CLEC2L: variants seen among roughly 807,000 people sequenced by gnomAD.
The protein encoded by CLEC2L is C-type lectin domain family 2, member L.
A neutral mutation model predicts 23.6 loss-of-function variants in CLEC2L; 14 were observed. That is an observed-to-expected ratio of 0.59 (90% CI 0.39 to 0.93). CLEC2L has a LOEUF of 0.93. Ranked by LOEUF, CLEC2L falls within the 40% of genes least tolerant of loss-of-function variation. CLEC2L has a pLI of 0.00. For synonymous variants in CLEC2L, 114 were observed against 121.3 expected (o/e 0.94, Z 0.40); for missense variants, 264 against 282.4 (o/e 0.93, Z 0.47).
chr7:139,537,393 AGG>A (rs919442390), intron 2 of CLEC2L, among the ~76,000 whole-genome samples: 1 of 128,320 alleles, frequency 7.8e-6, no homozygotes, highest in African/African-American at 5.3e-5. Flanking sequence ...ATTTAGACTC[AGG>A]GGCTTATATA....
chr7:139,525,021 C>T (rs12665981), intron 1 of CLEC2L, among the ~76,000 whole-genome samples: 57,801 of 151,958 alleles, frequency 0.38, 12,993 homozygotes, highest in African/African-American at 0.63. Flanking sequence ...CATGACGTAT[C>T]CCAGGCCAGG....
chr7:139,530,755 G>A (rs1235657062), intron 1 of CLEC2L, among the ~76,000 whole-genome samples: 5 of 145,404 alleles, frequency 3.4e-5, no homozygotes, highest in Non-Finnish European at 7.4e-5. Flanking sequence ...AGAGGTTGCA[G>A]TGAGCTGAGA....
chr7:139,533,578 A>T (rs1451800094), intron 1 of CLEC2L, among the ~76,000 whole-genome samples: 1 of 152,032 alleles, frequency 6.6e-6, no homozygotes, highest in African/African-American at 2.4e-5. Flanking sequence ...CTGGTCTCGA[A>T]CTCCTGACTT....
intron 1 of CLEC2L, among the ~76,000 whole-genome samples, chr7:139,526,905 G>A (rs879246326): frequency 1.3e-5 from 2 of 152,210 alleles, no homozygotes; most frequent in African/African-American, 4.8e-5. Flanking sequence ...CAGAGTTCAC[G>A]TAATGAAACA....
rs1256982707 is a variant in CLEC2L at position 139,544,347 on chromosome 7, G to A, written c.*5G>A. Reference sequence around the variant, plus strand: ...AGCAAGATGGCCTATACTTGAGGTGGGTGGGGCCAGAGGTGGCCCCGCCCC... The same window carrying A: ...AGCAAGATGGCCTATACTTGAGGTGAGTGGGGCCAGAGGTGGCCCCGCCCC... On this transcript the variant is annotated 3_prime_UTR_variant, in exon 5 of 5. Coordinates refer to ENST00000422142, the MANE Select transcript of CLEC2L (RefSeq NM_001080511.4). 2 of 1,600,474 alleles carry A rather than the reference G, an allele frequency of 1.2e-6. No individual in the cohort carries two copies. The highest frequency in any genetic ancestry group is 2.2e-5 in the East Asian group (1 of 44,566).
At chr7:139,529,820 A>C (rs2116547005) in intron 1 of CLEC2L, among the ~76,000 whole-genome samples, 1 of 152,262 alleles carries the variant, frequency 6.6e-6, no homozygotes, top group South Asian at 2.1e-4. Flanking sequence ...TAATCCCAGC[A>C]CTTTGGGAGG....
At position 139,539,309 on chromosome 7, in the gene CLEC2L, G is replaced by T. The variant is rs1040719407; in HGVS notation, c.266-1012G>T. 2.0e-5 allele frequency: 3 copies of T among 152,136 alleles called. No homozygotes were observed. The highest frequency in any genetic ancestry group is 4.4e-5 in the Non-Finnish European group (3 of 68,034). The allele number at this position is 152,136 out of a possible 1,614,324, so 9.4% of individuals were successfully genotyped here. A position where few individuals can be genotyped will look rare whatever the true frequency, so the allele number is the denominator to read the frequency against. On this transcript the variant is annotated intron_variant, in intron 2 of 4. Coordinates refer to ENST00000422142, the MANE Select transcript of CLEC2L (RefSeq NM_001080511.4). The surrounding 1 kb of genome is among the most constrained non-coding windows in gnomAD (Gnocchi z 4.1). ...TAAATGTGGAAGAAATAAATATAAG[G>T]TTCTGCATTTGGATTTAAGAAGTTA... is the stretch of plus-strand genomic sequence containing the variant.
intron 1 of CLEC2L, among the ~76,000 whole-genome samples, chr7:139,532,738 T>C (rs1247311263): frequency 3.9e-5 from 6 of 152,126 alleles, no homozygotes; most frequent in Non-Finnish European, 5.9e-5. Flanking sequence ...CTCTCCGCTA[T>C]GTGAGGACTC....
rs552437948 is a variant in CLEC2L at position 139,534,997 on chromosome 7, A to T, written c.191-1277A>T. 7.2e-5 allele frequency among the ~76,000 whole-genome samples: 11 copies of T among 152,040 alleles called. No individual in the cohort carries two copies. In the East Asian group the frequency reaches 1.7e-3, roughly 24 times the overall value. Reference sequence around the variant, plus strand: ...AAAACAAAAGAACAACAACAAAAAAACCTACCATGTGATCCAGCAACTCCA... The same window carrying T: ...AAAACAAAAGAACAACAACAAAAAATCCTACCATGTGATCCAGCAACTCCA... On this transcript the variant is annotated intron_variant, in intron 1 of 4. Transcript: ENST00000422142.
chr7:139,534,505 GAGA>G, intron 1 of CLEC2L: 1 of 776,846 alleles, frequency 1.3e-6, no homozygotes, highest in East Asian at 2.4e-5. Flanking sequence ...CTGGATTAAA[GAGA>G]AGATCTACAT....
chr7:139,538,528 C>G (rs978081391), intron 2 of CLEC2L, among the ~76,000 whole-genome samples: 2 of 151,682 alleles, frequency 1.3e-5, no homozygotes, highest in African/African-American at 4.9e-5. Flanking sequence ...GTGGGTGGAT[C>G]ACAAGGTCAG....
In CLEC2L at chr7:139,523,805, G is replaced by T; in HGVS notation, c.-123G>T. On this transcript the variant is annotated 5_prime_UTR_variant, in exon 1 of 5. Coordinates refer to ENST00000422142, the MANE Select transcript of CLEC2L (RefSeq NM_001080511.4). This position sits in a 1 kb window ranked among gnomAD's most constrained non-coding sequence, Gnocchi z 4.1. ...CTCAGCCCCGGCCTGCCAGCGCCGCGGTCCTAGCCCACCCGAGGCCGGCCT... is the reference window on the plus strand; with the variant it reads ...CTCAGCCCCGGCCTGCCAGCGCCGCTGTCCTAGCCCACCCGAGGCCGGCCT... 1 of 562,290 alleles carries T rather than the reference G, an allele frequency of 1.8e-6. No homozygotes were observed. Among genetic ancestry groups the T allele is most frequent in the Non-Finnish European group, 2.2e-6 (1 of 445,220 alleles). 34.8% of individuals were successfully genotyped at this position (562,290 alleles called of 1,614,324 possible). A position where few individuals can be genotyped will look rare whatever the true frequency, so the allele number is the denominator to read the frequency against.
At chr7:139,533,405 GA>G (rs1018874256) in intron 1 of CLEC2L, among the ~76,000 whole-genome samples, 2 of 152,178 alleles carry the variant, frequency 1.3e-5, no homozygotes, top group African/African-American at 4.8e-5. Context: ...GCTCAGACTG[GA>G]GTGCACTGAT....
At chr7:139,536,240 CG>C (rs1569427251) in intron 1 of CLEC2L, 33 bp from the exon 2 acceptor site, 14 of 1,523,060 alleles carry the variant, frequency 9.2e-6, no homozygotes, top group Non-Finnish European at 1.2e-5. Flanking sequence ...GTGGGATGGG[CG>C]GTGGGATGTT....
rs1213783065 is a variant in CLEC2L, at chr7:139,536,355, A to G, written c.265+7A>G. 1.3e-6 allele frequency: 2 copies of G among 1,550,758 alleles called. No individual in the cohort carries two copies. The highest frequency in any genetic ancestry group is 1.7e-6 in the Non-Finnish European group (2 of 1,146,434). On this transcript the variant is annotated splice_region_variant and intron_variant, in intron 2 of 4. Transcript: ENST00000422142. Reference sequence around the variant, plus strand: ...GTGGTGATGAGCATCTTGGGTGAGCATGCGTGTCAGAGCATTTATGCATTC... The same window carrying G: ...GTGGTGATGAGCATCTTGGGTGAGCGTGCGTGTCAGAGCATTTATGCATTC...
chr7:139,523,813 C>A lies in CLEC2L; in HGVS notation c.-115C>A. 3.1e-6 allele frequency: 2 copies of A among 640,758 alleles called. No individual in the cohort carries two copies. Among genetic ancestry groups the A allele is most frequent in the Non-Finnish European group, 3.9e-6 (2 of 517,250 alleles). 39.7% of individuals were successfully genotyped at this position (640,758 alleles called of 1,614,324 possible). A position where few individuals can be genotyped will look rare whatever the true frequency, so the allele number is the denominator to read the frequency against. On this transcript the variant is annotated 5_prime_UTR_variant, in exon 1 of 5. Coordinates refer to ENST00000422142, the MANE Select transcript of CLEC2L (RefSeq NM_001080511.4). This position sits in a 1 kb window ranked among gnomAD's most constrained non-coding sequence, Gnocchi z 4.1. ...CGGCCTGCCAGCGCCGCGGTCCTAGCCCACCCGAGGCCGGCCTGGGGGGCC... is the reference window on the plus strand; with the variant it reads ...CGGCCTGCCAGCGCCGCGGTCCTAGACCACCCGAGGCCGGCCTGGGGGGCC...
At chr7:139,534,028 T>C (rs1797617866) in intron 1 of CLEC2L, among the ~76,000 whole-genome samples, 2 of 152,034 alleles carry the variant, frequency 1.3e-5, no homozygotes. Context: ...CAAACAAAAT[T>C]GTAAAGGGAA....
At chr7:139,532,455 G>A (rs1797594416) in intron 1 of CLEC2L, among the ~76,000 whole-genome samples, 1 of 152,230 alleles carries the variant, frequency 6.6e-6, no homozygotes, top group South Asian at 2.1e-4. Flanking sequence ...GGCTGCCGGT[G>A]TGGGGAGACC....
intron 1 of CLEC2L, among the ~76,000 whole-genome samples, chr7:139,534,984 C>T (rs1207895520): frequency 6.8e-6 from 1 of 146,372 alleles, no homozygotes; most frequent in Admixed American, 6.8e-5. Flanking sequence ...AACAAAAGAA[C>T]AACAACAAAA....
Sources: allele counts gnomAD v4.1 joint callset (sites outside exome capture counted in the v4.1 genomes callset), GRCh38; gene constraint gnomAD v4.1.1; non-coding constraint Gnocchi (gnomAD v3.1); transcripts MANE v1.5; gene names NCBI Gene and HGNC (gene_info 2026-07-23, HGNC 2026-07-21).